The following ZBTB38 variants were observed in gnomAD, a reference collection of about 807,000 sequenced individuals.
The protein encoded by ZBTB38 is zinc finger and BTB domain-containing protein 38.
In ZBTB38, 20 loss-of-function variants were observed where a neutral mutation model predicts 76.8. The observed-to-expected ratio is 0.26, with a 90% CI of 0.18 to 0.38. The LOEUF (loss-of-function observed/expected upper bound fraction) is 0.38. ZBTB38 is among the 10% of genes least tolerant of loss of function. The pLI is 1.00. For synonymous variants in ZBTB38, 504 were observed against 544.2 expected, an observed-to-expected ratio of 0.93 and a Z score of 1.03; for missense variants, 1,082 against 1,482.3, an observed-to-expected ratio of 0.73 and a Z score of 4.43.
At position 141,324,890 on chromosome 3, in the gene ZBTB38, A is replaced by C. The variant is rs141889581; in HGVS notation, c.-739+434A>C. On this transcript the variant is annotated intron_variant, in intron 1 of 7. Coordinates refer to the ZBTB38 transcript ENST00000509842. ...TTGTAAAATGAAGAGTGTATTTATA[A>C]AGATAAAATAATAGCAGACAAGCAG... 1.4e-4 allele frequency among the ~76,000 whole-genome samples: 22 copies of C among 152,340 alleles called. 1 individual carries two copies. The highest frequency in any genetic ancestry group is 1.3e-3 in the Admixed American group (20 of 15,306).
chr3:141,414,019 T>C (rs1559944903), intron 5 of ZBTB38, among the ~76,000 whole-genome samples: 1 of 152,230 alleles, frequency 6.6e-6, no homozygotes, highest in South Asian at 2.1e-4. Flanking sequence ...TGACATCTCA[T>C]CATTTAAATT....
At chr3:141,392,805 C>T (rs1033285254) in intron 4 of ZBTB38, 6 of 151,690 alleles carry the variant, frequency 4.0e-5, no homozygotes, top group African/African-American at 1.4e-4. Context: ...TGCTTTCTTA[C>T]CTTCCCTGGT....
intron 1 of ZBTB38, among the ~76,000 whole-genome samples, chr3:141,344,732 C>G (rs539127327): frequency 1.6e-4 from 24 of 152,330 alleles, no homozygotes; most frequent in African/African-American, 5.3e-4. Context: ...AGTCATGTCT[C>G]TCTCTCACTA....
chr3:141,436,355 T>TA (rs2078778715), intron 5 of ZBTB38, among the ~76,000 whole-genome samples: 1 of 152,150 alleles, frequency 6.6e-6, no homozygotes, highest in Non-Finnish European at 1.5e-5. Flanking sequence ...CAGGCCACAT[T>TA]ACTGAGAGAA....
Position 141,443,192 on chromosome 3 carries a change from A to G in ZBTB38, c.804A>G (p.Thr268=), listed in dbSNP as rs775282248. 10 of 1,614,246 alleles carry G rather than the reference A, an allele frequency of 6.2e-6. No homozygotes were observed. The highest frequency in any genetic ancestry group is 8.5e-6 in the Non-Finnish European group (10 of 1,180,040). Residue 268 remains threonine, a synonymous_variant, in exon 6 of 6, where the codon ACA becomes ACG. Coordinates refer to ENST00000321464, the MANE Select transcript of ZBTB38 (RefSeq NM_001376113.1). This position sits in a 1 kb window ranked among gnomAD's most constrained non-coding sequence, Gnocchi z 5.6. ...AKPKTCRKPK[T]FSIPQDSDSA... is the part of the protein sequence containing the mutation. ...CGAAAACATGCCGGAAGCCAAAGAC[A>G]TTCTCCATACCACAGGATTCGGATT...
intron 5 of ZBTB38, chr3:141,434,309 G>A: frequency 1.5e-6 from 1 of 654,430 alleles, no homozygotes; most frequent in Non-Finnish European, 1.9e-6. Flanking sequence ...CTCTCCTAAG[G>A]CTTTATTCAG....
chr3:141,430,225 C>T lies in ZBTB38; in HGVS notation c.1-12164C>T, dbSNP rs2077203569. ...GGATTACAGGCATGCACTACCACACCCGGCTAATTTTTTTTGTACTTAGTA... is the reference window on the plus strand; with the variant it reads ...GGATTACAGGCATGCACTACCACACTCGGCTAATTTTTTTTGTACTTAGTA... On this transcript the variant is annotated intron_variant, in intron 5 of 5. Transcript: ENST00000321464. 2.6e-5 allele frequency among the ~76,000 whole-genome samples: 4 copies of T among 152,014 alleles called. No homozygotes were observed. In the South Asian group the frequency reaches 6.2e-4, roughly 24 times the overall value.
At chr3:141,357,599 G>A (rs543470126) in intron 1 of ZBTB38, among the ~76,000 whole-genome samples, 1 of 152,076 alleles carries the variant, frequency 6.6e-6, no homozygotes, top group Non-Finnish European at 1.5e-5. Flanking sequence ...GCGCAATCTC[G>A]GCTCACTGCA....
At chr3:141,333,171 C>T (rs1473251667) in intron 1 of ZBTB38, among the ~76,000 whole-genome samples, 1 of 152,190 alleles carries the variant, frequency 6.6e-6, no homozygotes, top group Non-Finnish European at 1.5e-5. Flanking sequence ...AAAGCCCAGA[C>T]TCATTGTTTG....
intron 5 of ZBTB38, among the ~76,000 whole-genome samples, chr3:141,405,438 A>C (rs75233001): frequency 6.6e-6 from 1 of 152,282 alleles, no homozygotes; most frequent in African/African-American, 2.4e-5. Context: ...TCATTTGTAC[A>C]TTTAACTCAT....
rs143915643 is a variant in ZBTB38, at chr3:141,413,663, A to G, written c.-1+9632A>G. Among the ~76,000 whole-genome samples, 34 of 152,298 alleles carry G rather than the reference A, an allele frequency of 2.2e-4. No individual in the cohort carries two copies. Among genetic ancestry groups the G allele is most frequent in the Non-Finnish European group, 4.3e-4 (29 of 68,028 alleles). ...CAGTGAGTGTTGCTTCCCCCGTTACACACCTGCTCATGATGACTTGTGGGA... is the reference window on the plus strand; with the variant it reads ...CAGTGAGTGTTGCTTCCCCCGTTACGCACCTGCTCATGATGACTTGTGGGA... On this transcript the variant is annotated intron_variant, in intron 5 of 5. Coordinates refer to ENST00000321464, the MANE Select transcript of ZBTB38 (RefSeq NM_001376113.1). The surrounding 1 kb of genome is among the most constrained non-coding windows in gnomAD (Gnocchi z 4.1).
At chr3:141,361,307 C>T (rs986904013) in intron 1 of ZBTB38, among the ~76,000 whole-genome samples, 1 of 151,998 alleles carries the variant, frequency 6.6e-6, no homozygotes, top group Non-Finnish European at 1.5e-5. Context: ...ATGAATCATG[C>T]CTCTAAAAAA....
intron 1 of ZBTB38, among the ~76,000 whole-genome samples, chr3:141,363,407 A>C (rs540710704): frequency 1.3e-5 from 2 of 152,262 alleles, no homozygotes; most frequent in Non-Finnish European, 2.9e-5. Flanking sequence ...CCTAAAAATC[A>C]TATGGCAATG....
At chr3:141,435,692 G>A (rs756894772) in intron 5 of ZBTB38, among the ~76,000 whole-genome samples, 5 of 151,728 alleles carry the variant, frequency 3.3e-5, no homozygotes, top group Non-Finnish European at 4.4e-5. Context: ...CCCTGGAGGC[G>A]GAGGTTGTAG....
intron 5 of ZBTB38, among the ~76,000 whole-genome samples, chr3:141,408,415 C>T (rs772757752): frequency 3.9e-5 from 6 of 152,114 alleles, no homozygotes; most frequent in African/African-American, 9.7e-5. Context: ...GGCATGGTGG[C>T]GCACACCTGT....
chr3:141,377,841 A>G (rs140683252), intron 2 of ZBTB38, among the ~76,000 whole-genome samples: 2 of 152,316 alleles, frequency 1.3e-5, no homozygotes, highest in African/African-American at 4.8e-5. Flanking sequence ...CCAATCTCAA[A>G]GAGTTATATG....
At chr3:141,373,975 C>CA (rs1944992373) in intron 2 of ZBTB38, among the ~76,000 whole-genome samples, 1 of 152,060 alleles carries the variant, frequency 6.6e-6, no homozygotes, top group Admixed American at 6.5e-5. Flanking sequence ...ACTAAAAATA[C>CA]AAAAATTAGC....
rs943234922 is a variant in ZBTB38, at chr3:141,413,658, G to A, written c.-1+9627G>A. Among the ~76,000 whole-genome samples, 7 of 152,266 alleles carry A rather than the reference G, an allele frequency of 4.6e-5. No individual in the cohort carries two copies. The highest frequency in any genetic ancestry group is 2.0e-4 in the Admixed American group (3 of 15,296). ...AAACTCAGTGAGTGTTGCTTCCCCC[G>A]TTACACACCTGCTCATGATGACTTG... On this transcript the variant is annotated intron_variant, in intron 5 of 5. Coordinates refer to ENST00000321464, the MANE Select transcript of ZBTB38 (RefSeq NM_001376113.1). This position sits in a 1 kb window ranked among gnomAD's most constrained non-coding sequence, Gnocchi z 4.1.
At chr3:141,340,924 G>A (rs1035177599) in intron 1 of ZBTB38, among the ~76,000 whole-genome samples, 6 of 19,676 alleles carry the variant, frequency 3.0e-4, no homozygotes, top group African/African-American at 2.6e-3. Context: ...GAAAAGGAAA[G>A]GAAAAAAGAA....
Sources: allele counts gnomAD v4.1 joint callset (sites outside exome capture counted in the v4.1 genomes callset), GRCh38; gene constraint gnomAD v4.1.1; non-coding constraint Gnocchi (gnomAD v3.1); transcripts MANE v1.5; gene names NCBI Gene and HGNC (gene_info 2026-07-23, HGNC 2026-07-21).